LUZP2: variants seen among roughly 807,000 people sequenced by gnomAD.
LUZP2 encodes leucine zipper protein 2.
Under a neutral mutation model 51.6 loss-of-function variants are expected in LUZP2, and 52 were observed. That is an observed-to-expected ratio of 1.01 (90% CI 0.81 to 1.27). The LOEUF (loss-of-function observed/expected upper bound fraction) is 1.27. Among genes scored for constraint, LUZP2 ranks in the 50% most tolerant of loss-of-function variants. The probability of loss-of-function intolerance (pLI) is 0.00; values close to 1 mark genes in which losing one functional copy is unlikely to be tolerated. For synonymous variants in LUZP2, 154 were observed against 137.3 expected, an observed-to-expected ratio of 1.12 and a Z score of -0.85; for missense variants, 436 against 395.4, an observed-to-expected ratio of 1.10 and a Z score of -0.87.
chr11:25,042,080 A>G (rs931251558), intron 9 of LUZP2, among the ~76,000 whole-genome samples: 3 of 152,192 alleles, frequency 2.0e-5, no homozygotes, highest in Non-Finnish European at 2.9e-5. Flanking sequence ...CCACCACTTC[A>G]GTATATTTGC....
chr11:24,902,320 C>T (rs929012879), intron 5 of LUZP2, among the ~76,000 whole-genome samples: 3 of 152,124 alleles, frequency 2.0e-5, no homozygotes, highest in Admixed American at 2.0e-4. Flanking sequence ...CTCCCACCCT[C>T]AACACTCAGG....
intron 7 of LUZP2, among the ~76,000 whole-genome samples, chr11:24,966,773 A>G (rs1855595291): frequency 1.4e-5 from 2 of 147,590 alleles, no homozygotes; most frequent in African/African-American, 4.9e-5. Flanking sequence ...TATATAGTGG[A>G]TATAATATAT....
chr11:25,040,054 A>G (rs572327475), intron 9 of LUZP2, among the ~76,000 whole-genome samples: 2 of 152,248 alleles, frequency 1.3e-5, no homozygotes, highest in East Asian at 3.9e-4. Context: ...TTTATCTATT[A>G]ACAACCTATA....
At chr11:24,672,956 G>A (rs944422086) in intron 1 of LUZP2, among the ~76,000 whole-genome samples, 1 of 152,172 alleles carries the variant, frequency 6.6e-6, no homozygotes, top group African/African-American at 2.4e-5. Flanking sequence ...CGTGGCATTA[G>A]ATACTCATAA....
chr11:24,933,248 C>T (rs1854504745), intron 7 of LUZP2, among the ~76,000 whole-genome samples: 1 of 152,036 alleles, frequency 6.6e-6, no homozygotes, highest in African/African-American at 2.4e-5. Flanking sequence ...CTGTTAGTTC[C>T]TGTGGTAGTT....
At chr11:24,755,604 C>T (rs1189876891) in intron 4 of LUZP2, among the ~76,000 whole-genome samples, 2 of 152,198 alleles carry the variant, frequency 1.3e-5, no homozygotes, top group African/African-American at 4.8e-5. Context: ...GGACTCCCCT[C>T]TCAGCCAACG....
At chr11:24,545,032 T>C (rs1367731690) in intron 1 of LUZP2, among the ~76,000 whole-genome samples, 2 of 152,168 alleles carry the variant, frequency 1.3e-5, no homozygotes, top group Non-Finnish European at 2.9e-5. Context: ...ATTTCTCTAA[T>C]GATCAGTGAT....
At chr11:24,547,358 G>A (rs901560558) in intron 1 of LUZP2, among the ~76,000 whole-genome samples, 21 of 151,920 alleles carry the variant, frequency 1.4e-4, no homozygotes, top group African/African-American at 5.1e-4. Flanking sequence ...TGGTACTGGT[G>A]CAAAAACAGA....
At position 24,916,484 on chromosome 11, in the gene LUZP2, C is replaced by T. The variant is rs1030396475; in HGVS notation, c.522+1946C>T. On this transcript the variant is annotated intron_variant, in intron 7 of 11. Transcript: ENST00000336930. ...TATTTCCTAATGCTATCCCTCCCCCCTCCTGCCACCCCACAACAGGCTGTG... is the reference window on the plus strand; with the variant it reads ...TATTTCCTAATGCTATCCCTCCCCCTTCCTGCCACCCCACAACAGGCTGTG... Among the ~76,000 whole-genome samples, 6 of 152,126 alleles carry T rather than the reference C, an allele frequency of 3.9e-5. No individual in the cohort carries two copies. In the South Asian group the frequency reaches 6.2e-4, roughly 16 times the overall value.
intron 1 of LUZP2, among the ~76,000 whole-genome samples, chr11:24,610,047 A>C (rs1274351745): frequency 2.0e-5 from 3 of 152,216 alleles, no homozygotes; most frequent in Non-Finnish European, 4.4e-5. Flanking sequence ...AAGATCAAGA[A>C]AGAGACAGTC....
At chr11:24,775,937 G>A (rs560340755) in intron 5 of LUZP2, among the ~76,000 whole-genome samples, 1 of 152,234 alleles carries the variant, frequency 6.6e-6, no homozygotes, top group Admixed American at 6.5e-5. Flanking sequence ...TCACCAAATG[G>A]AAGCTATCAT....
chr11:24,898,306 A>C (rs1452230911), intron 5 of LUZP2, among the ~76,000 whole-genome samples: 1 of 152,122 alleles, frequency 6.6e-6, no homozygotes, highest in Non-Finnish European at 1.5e-5. Flanking sequence ...TAATCTGGCC[A>C]AATAGCAGTA....
In LUZP2 at chr11:24,766,210, C is replaced by T. The variant is rs117118901; in HGVS notation, c.396+2902C>T. The stretch of plus-strand genomic sequence containing the variant: ...TGGTCTCTAAGTTTCAGTTTTGGGC[C>T]GTCTGCTTTTCTCTTTATATTTTTT... On this transcript the variant is annotated intron_variant, in intron 5 of 11. Transcript: ENST00000336930. 8.1e-3 allele frequency among the ~76,000 whole-genome samples: 1,238 copies of T among 152,130 alleles called. 11 individuals carry two copies. Among genetic ancestry groups the T allele is most frequent in the Non-Finnish European group, 0.013 (855 of 68,002 alleles).
At chr11:24,736,492 CTT>C (rs1858944304) in intron 3 of LUZP2, among the ~76,000 whole-genome samples, 1 of 150,072 alleles carries the variant, frequency 6.7e-6, no homozygotes, top group African/African-American at 2.4e-5. Flanking sequence ...TCCTTCCTTC[CTT>C]CCTTCCTTCC....
intron 7 of LUZP2, among the ~76,000 whole-genome samples, chr11:24,959,373 C>T (rs1357092599): frequency 6.6e-6 from 1 of 152,130 alleles, no homozygotes; most frequent in South Asian, 2.1e-4. Flanking sequence ...GATATTGATA[C>T]TTCCTACCCA....
At chr11:24,907,670 G>C (rs1376534018) in intron 6 of LUZP2, among the ~76,000 whole-genome samples, 1 of 152,168 alleles carries the variant, frequency 6.6e-6, no homozygotes, top group Non-Finnish European at 1.5e-5. Flanking sequence ...ATTCTGATAT[G>C]ATTTATATGT....
intron 1 of LUZP2, among the ~76,000 whole-genome samples, chr11:24,593,276 C>T (rs1853320515): frequency 6.6e-6 from 1 of 152,112 alleles, no homozygotes. Flanking sequence ...AAATTTTGAT[C>T]ACTAATTTTT....
chr11:24,527,603 ATTTG>A (rs1380367510), intron 1 of LUZP2, among the ~76,000 whole-genome samples: 6 of 148,276 alleles, frequency 4.0e-5, no homozygotes, highest in Non-Finnish European at 7.5e-5. Flanking sequence ...ACACACATTT[ATTTG>A]TTGGCATCTT....
At chr11:24,571,272 C>T (rs2133800586) in intron 1 of LUZP2, among the ~76,000 whole-genome samples, 1 of 55,992 alleles carries the variant, frequency 1.8e-5, no homozygotes, top group Admixed American at 1.9e-4. Flanking sequence ...GTCATTTTTG[C>T]TTTCCTGGCT....
Sources: allele counts gnomAD v4.1 joint callset (sites outside exome capture counted in the v4.1 genomes callset), GRCh38; gene constraint gnomAD v4.1.1; transcripts MANE v1.5; gene names NCBI Gene and HGNC (gene_info 2026-07-23, HGNC 2026-07-21).